Variants in ATP2B4 observed in about 807,000 individuals in gnomAD.
ATP2B4 encodes the protein ATPase plasma membrane Ca2+ transporting 4.
A neutral mutation model predicts 110.3 loss-of-function variants in ATP2B4; 39 were observed. The ratio of observed to expected loss-of-function variants is 0.35; its 90% confidence interval spans 0.27 to 0.46. The LOEUF is 0.46. ATP2B4 is among the 20% of genes least tolerant of loss of function. The pLI is 1.00. For synonymous variants in ATP2B4, 538 were observed against 571.7 expected (o/e 0.94, Z 0.84); for missense variants, 1,135 against 1,530.9 (o/e 0.74, Z 4.32).
At chr1:203,682,336 C>T (rs1159856822) in intron 1 of ATP2B4, among the ~76,000 whole-genome samples, 1 of 152,100 alleles carries the variant, frequency 6.6e-6, no homozygotes, top group Non-Finnish European at 1.5e-5. Flanking sequence ...CTTTTTCTGA[C>T]CTCTTCTCAT....
At chr1:203,640,973 C>G (rs1663609328) in intron 1 of ATP2B4, among the ~76,000 whole-genome samples, 1 of 152,182 alleles carries the variant, frequency 6.6e-6, no homozygotes, top group African/African-American at 2.4e-5. Flanking sequence ...CAGGTACAGG[C>G]TTTTTCTTGG....
chr1:203,721,167 G>A lies in ATP2B4; in HGVS notation c.2599-30G>A, dbSNP rs754727618. The A allele has an allele frequency of 1.9e-6, 3 of 1,610,712 alleles. No homozygotes were observed. The South Asian group carries it at 3.3e-5, about 18-fold the overall frequency. The stretch of plus-strand genomic sequence containing the variant: ...AAAGGTGGGCTGGTTTCAGAGAAAA[G>A]CTAAAAGGACTGGTTCTTCTCCCCG... On this transcript the variant is annotated intron_variant, in intron 16 of 20. Transcript: ENST00000357681.
chr1:203,692,268 C>T (rs1665402285), intron 2 of ATP2B4, among the ~76,000 whole-genome samples: 1 of 152,076 alleles, frequency 6.6e-6, no homozygotes, highest in African/African-American at 2.4e-5. Context: ...GCCTCAACCT[C>T]CTGGGCTGAG....
rs1197954699 is a variant in ATP2B4 at position 203,708,045 on chromosome 1, G to T, written c.1498G>T (p.Val500Phe). The T allele has an allele frequency of 1.2e-6, 2 of 1,614,174 alleles. No homozygotes were observed. The highest frequency in any genetic ancestry group is 8.5e-7 in the Non-Finnish European group (1 of 1,180,030). The change falls in exon 10 of 21, where the codon GTC becomes TTC. Residue 500 changes from valine to phenylalanine, a missense_variant. Physicochemically the swap from Val to Phe is conservative, Grantham distance 50. Around this residue, in one of 9 missense-constraint regions of ATP2B4, gnomAD observed 368 missense variants for 455.9 expected, o/e 0.81. Coordinates refer to ENST00000357681, the MANE Select transcript of ATP2B4 (RefSeq NM_001684.5). Reference protein sequence around the residue: ...IPSPDVFLPKVLDLIVNGISI... With the variant: ...IPSPDVFLPKFLDLIVNGISI... ...AAGCCCTGATGTCTTCCTGCCCAAAGTCCTGGACCTCATTGTCAATGGCAT... is the reference window on the plus strand; with the variant it reads ...AAGCCCTGATGTCTTCCTGCCCAAATTCCTGGACCTCATTGTCAATGGCAT...
At chr1:203,703,182 A>G (rs1222101555) in intron 7 of ATP2B4, among the ~76,000 whole-genome samples, 4 of 151,988 alleles carry the variant, frequency 2.6e-5, no homozygotes, top group African/African-American at 9.7e-5. Context: ...AGAGAGAGAG[A>G]GAGAGAGAGA....
Position 203,698,385 on chromosome 1 carries a change from T to C in ATP2B4, c.391+31T>C, listed in dbSNP as rs745705980. 3 of 1,607,114 alleles carry C rather than the reference T, an allele frequency of 1.9e-6. No individual in the cohort carries two copies. In the Admixed American group the frequency reaches 5.0e-5, roughly 27 times the overall value. ...TGTCCTAAACAGCTCAGCGTGACTCTTATCTGGGTTCTTTCCACCACCACC... is the reference window on the plus strand; with the variant it reads ...TGTCCTAAACAGCTCAGCGTGACTCCTATCTGGGTTCTTTCCACCACCACC... On this transcript the variant is annotated intron_variant, in intron 3 of 20. Transcript: ENST00000357681.
chr1:203,709,137 A>T (rs1665930979), intron 10 of ATP2B4, among the ~76,000 whole-genome samples, 164 bp from the exon 11 acceptor site: 1 of 152,194 alleles, frequency 6.6e-6, no homozygotes, highest in African/African-American at 2.4e-5. Context: ...AGGCTGGGCA[A>T]CAGAGCGAGA....
At chr1:203,701,959 T>G in intron 6 of ATP2B4, 85 bp from the exon 7 acceptor site, 1 of 1,445,196 alleles carries the variant, frequency 6.9e-7, no homozygotes, top group Non-Finnish European at 9.6e-7. Context: ...GTTGTCCTTC[T>G]GGGCTCTGAG....
At chr1:203,712,196 A>G (rs1666030483) in intron 13 of ATP2B4, 57 bp downstream of exon 13, 7 of 1,570,966 alleles carry the variant, frequency 4.5e-6, no homozygotes, top group Non-Finnish European at 6.1e-6. Context: ...GGCGGGTTCT[A>G]GCATAAGGCA....
intron 1 of ATP2B4, among the ~76,000 whole-genome samples, chr1:203,661,813 G>C (rs906698639): frequency 6.6e-6 from 1 of 151,762 alleles, no homozygotes; most frequent in Non-Finnish European, 1.5e-5. Context: ...ACTGACCTGT[G>C]CCCCACTGGC....
At chr1:203,664,313 A>C (rs1349061077) in intron 1 of ATP2B4, among the ~76,000 whole-genome samples, 1 of 152,204 alleles carries the variant, frequency 6.6e-6, no homozygotes, top group African/African-American at 2.4e-5. Flanking sequence ...CACAGAGCCA[A>C]GGGTCCAGAT....
chr1:203,700,694 T>G, intron 5 of ATP2B4, 104 bp from the exon 6 acceptor site: 1 of 1,451,640 alleles, frequency 6.9e-7, no homozygotes. Context: ...TCATTATCCA[T>G]GGGGTAGGGA....
At chr1:203,724,931 C>CAGTT (rs1666464260) in intron 19 of ATP2B4, among the ~76,000 whole-genome samples, 1 of 133,494 alleles carries the variant, frequency 7.5e-6, no homozygotes, top group Non-Finnish European at 1.5e-5. Flanking sequence ...GGCTGGAGTG[C>CAGTT]AGTTGTGTGA....
In ATP2B4 at chr1:203,721,375, A is replaced by G. The variant is rs1558051252; in HGVS notation, c.2777A>G (p.Tyr926Cys). The G allele has an allele frequency of 6.2e-6, 10 of 1,613,982 alleles. No homozygotes were observed. Among genetic ancestry groups the G allele is most frequent in the South Asian group, 1.1e-5 (1 of 91,090 alleles). The change falls in exon 17 of 21, where the codon TAT becomes TGT. Residue 926 changes from tyrosine (Y) to cysteine (C), a missense_variant. Tyr to Cys is a radical substitution (Grantham distance 194). This residue lies in a region of ATP2B4 where 155 missense variants were observed against 186.2 expected (regional missense o/e 0.83). Coordinates refer to ENST00000357681, the MANE Select transcript of ATP2B4 (RefSeq NM_001684.5). ...AAGAACATCTTGGGCCATGCATTCT[A>G]TCAGCTCATTGTCATCTTTATCCTT... ...MMKNILGHAF[Y>C]QLIVIFILVF...
chr1:203,635,309 C>T (rs1663405775), intron 1 of ATP2B4, among the ~76,000 whole-genome samples: 1 of 152,048 alleles, frequency 6.6e-6, no homozygotes. Context: ...TGTTCTGTCA[C>T]CCAGACTGGG....
intron 1 of ATP2B4, among the ~76,000 whole-genome samples, chr1:203,653,768 G>A (rs1418782116): frequency 2.0e-5 from 3 of 151,892 alleles, no homozygotes; most frequent in African/African-American, 7.3e-5. Flanking sequence ...TATTGGCCAG[G>A]TTGGTCTCAA....
chr1:203,656,352 AT>A (rs569537701), intron 1 of ATP2B4, among the ~76,000 whole-genome samples: 11 of 151,944 alleles, frequency 7.2e-5, no homozygotes, highest in African/African-American at 2.4e-4. Context: ...AGACTTTAGT[AT>A]TTTTTTTCAT....
chr1:203,638,381 T>C (rs1456396042), intron 1 of ATP2B4, among the ~76,000 whole-genome samples: 2 of 152,182 alleles, frequency 1.3e-5, no homozygotes, highest in African/African-American at 2.4e-5. Flanking sequence ...CTCCCTGCTG[T>C]CCATATTACA....
At chr1:203,696,176 C>T (rs1665528070) in intron 2 of ATP2B4, among the ~76,000 whole-genome samples, 1 of 152,172 alleles carries the variant, frequency 6.6e-6, no homozygotes, top group African/African-American at 2.4e-5. Context: ...ATACACCCAC[C>T]TTGGCCTCCC....
Sources: allele counts gnomAD v4.1 joint callset (sites outside exome capture counted in the v4.1 genomes callset), GRCh38; gene constraint gnomAD v4.1.1; regional missense constraint gnomAD v4.1.1; transcripts MANE v1.5; gene names NCBI Gene and HGNC (gene_info 2026-07-23, HGNC 2026-07-21).